LGSN: variants seen among roughly 807,000 people sequenced by gnomAD.
The protein encoded by LGSN is lengsin, lens protein with glutamine synthetase domain.
In LGSN, 21 loss-of-function variants were observed where a neutral mutation model predicts 19.5. The observed-to-expected ratio is 1.07, with a 90% CI of 0.76 to 1.55. The LOEUF is 1.55. Ranked by LOEUF, LGSN falls within the 40% of genes most tolerant of loss-of-function variation. The pLI is 0.00. For missense variants in LGSN, 673 were observed against 608.5 expected, an observed-to-expected ratio of 1.11 and a Z score of -1.12; for synonymous variants, 257 against 215.6, an observed-to-expected ratio of 1.19 and a Z score of -1.68.
the LGSN span, among the ~76,000 whole-genome samples, chr6:63,337,518 T>G: frequency 0.069 from 10,397 of 151,046 alleles, 495 homozygotes; most frequent in Non-Finnish European, 0.11. Context: ...AAAAAAGACT[T>G]TGGACGAGGT....
At chr6:63,432,222 A>AGAAAC in the LGSN span, among the ~76,000 whole-genome samples, 3 of 145,482 alleles carry the variant, frequency 2.1e-5, no homozygotes, top group Admixed American at 2.0e-4. Context: ...AGAAAAGAAA[A>AGAAAC]GAAACAGCAT....
chr6:63,420,443 G>A, the LGSN span, among the ~76,000 whole-genome samples: 728 of 152,268 alleles, frequency 4.8e-3, 11 homozygotes, highest in African/African-American at 0.016. Flanking sequence ...GTGATTAAAG[G>A]CTTGACTGTT....
chr6:63,489,960 T>A, the LGSN span, among the ~76,000 whole-genome samples: 1 of 152,188 alleles, frequency 6.6e-6, no homozygotes, highest in Non-Finnish European at 1.5e-5. Context: ...TTCACTTGCC[T>A]CAGCCTCCCA....
the LGSN span, among the ~76,000 whole-genome samples, chr6:63,443,041 C>T: frequency 2.6e-5 from 4 of 152,278 alleles, no homozygotes; most frequent in Admixed American, 6.5e-5. Context: ...GGGAGCCCAC[C>T]GCGTGGGGGC....
chr6:63,405,176 G>C, the LGSN span, among the ~76,000 whole-genome samples: 1 of 151,828 alleles, frequency 6.6e-6, no homozygotes, highest in Non-Finnish European at 1.5e-5. Context: ...TGGTGTATAT[G>C]TGCCACATTT....
At chr6:63,310,054 A>G (rs1474810212) in intron 1 of LGSN, among the ~76,000 whole-genome samples, 1 of 152,186 alleles carries the variant, frequency 6.6e-6, no homozygotes, top group Non-Finnish European at 1.5e-5. Flanking sequence ...CAATCTCTCC[A>G]GCCTTCACAG....
the LGSN span, among the ~76,000 whole-genome samples, chr6:63,421,750 AAG>A: frequency 6.6e-6 from 1 of 152,134 alleles, no homozygotes; most frequent in Non-Finnish European, 1.5e-5. Flanking sequence ...AAAAAAAAGA[AAG>A]AAATTATTCA....
intron 1 of LGSN, among the ~76,000 whole-genome samples, chr6:63,316,735 G>T (rs1768879608): frequency 6.6e-6 from 1 of 151,586 alleles, no homozygotes; most frequent in Admixed American, 6.6e-5. Flanking sequence ...AAGGTAAAAA[G>T]ACATGTAGAA....
At chr6:63,398,824 T>C in the LGSN span, among the ~76,000 whole-genome samples, 1 of 152,142 alleles carries the variant, frequency 6.6e-6, no homozygotes, top group Non-Finnish European at 1.5e-5. Context: ...TTTTAAAATA[T>C]ATATATTTTT....
At chr6:63,514,867 A>G in the LGSN span, among the ~76,000 whole-genome samples, 1 of 149,692 alleles carries the variant, frequency 6.7e-6, no homozygotes, top group East Asian at 2.0e-4. Context: ...CACCAAGCTA[A>G]TTTTTTTTTT....
At chr6:63,453,472 A>C in the LGSN span, among the ~76,000 whole-genome samples, 1 of 152,080 alleles carries the variant, frequency 6.6e-6, no homozygotes, top group Admixed American at 6.6e-5. Context: ...GTGCATATAC[A>C]CTTAGGATTG....
At chr6:63,446,047 G>A in the LGSN span, among the ~76,000 whole-genome samples, 3 of 152,112 alleles carry the variant, frequency 2.0e-5, no homozygotes, top group South Asian at 4.2e-4. Flanking sequence ...TCAGGAGTTC[G>A]AGACCAGCCC....
chr6:63,287,176 G>T (rs1333381249), intron 2 of LGSN, among the ~76,000 whole-genome samples: 1 of 152,148 alleles, frequency 6.6e-6, no homozygotes, highest in Non-Finnish European at 1.5e-5. Flanking sequence ...TTCCACATAT[G>T]CAAATATATT....
chr6:63,472,872 C>T, the LGSN span, among the ~76,000 whole-genome samples: 8 of 151,980 alleles, frequency 5.3e-5, no homozygotes, highest in Admixed American at 2.6e-4. Context: ...ACCCAGGAGG[C>T]GGAGCTTGCA....
chr6:63,551,560 A>T, the LGSN span, among the ~76,000 whole-genome samples: 23 of 152,210 alleles, frequency 1.5e-4, no homozygotes, highest in African/African-American at 5.5e-4. Context: ...ATTATACTTT[A>T]AGTTCTAGGG....
At chr6:63,407,183 G>A in the LGSN span, among the ~76,000 whole-genome samples, 4 of 151,810 alleles carry the variant, frequency 2.6e-5, no homozygotes, top group African/African-American at 7.3e-5. Flanking sequence ...ATTTTATAAG[G>A]CCAGCATCAT....
the LGSN span, among the ~76,000 whole-genome samples, chr6:63,377,678 C>T: frequency 5.9e-5 from 9 of 151,840 alleles, no homozygotes; most frequent in South Asian, 4.2e-4. Flanking sequence ...TTTGGGAAGC[C>T]GAGGCAGGAG....
At chr6:63,407,524 G>A in the LGSN span, among the ~76,000 whole-genome samples, 4 of 152,088 alleles carry the variant, frequency 2.6e-5, no homozygotes, top group Non-Finnish European at 4.4e-5. Context: ...TTGATGGGAC[G>A]TATCTCAAAA....
At chr6:63,360,874 A>C in the LGSN span, among the ~76,000 whole-genome samples, 1 of 152,216 alleles carries the variant, frequency 6.6e-6, no homozygotes, top group Non-Finnish European at 1.5e-5. Flanking sequence ...TCCTTCTAAC[A>C]GTCAGCACCC....
Sources: allele counts gnomAD v4.1 joint callset (sites outside exome capture counted in the v4.1 genomes callset), GRCh38; gene constraint gnomAD v4.1.1; transcripts MANE v1.5; gene names NCBI Gene and HGNC (gene_info 2026-07-23, HGNC 2026-07-21).